The following ATP2A1 variants were observed in gnomAD, a reference collection of about 807,000 sequenced individuals.
ATP2A1 encodes the protein sarcoplasmic/endoplasmic reticulum calcium ATPase 1.
Under a neutral mutation model 109.5 loss-of-function variants are expected in ATP2A1, and 83 were observed. The ratio of observed to expected loss-of-function variants is 0.76; its 90% CI spans 0.63 to 0.91. ATP2A1 has a LOEUF of 0.91. Among genes scored for constraint, ATP2A1 ranks in the 40% least tolerant of loss-of-function variants. ATP2A1 has a pLI of 0.00. For synonymous variants in ATP2A1, 505 were observed against 537.6 expected, an observed-to-expected ratio of 0.94 and a Z score of 0.84; for missense variants, 1,101 against 1,341.0, an observed-to-expected ratio of 0.82 and a Z score of 2.80.
intron 9 of ATP2A1, chr16:28,892,582 G>A (rs1016457960): frequency 5.1e-5 from 8 of 158,414 alleles, no homozygotes; most frequent in African/African-American, 1.9e-4. Flanking sequence ...GAACTTTTTT[G>A]TCTTGGAACC....
Position 28,903,805 on chromosome 16 carries a change from C to A in ATP2A1, c.*37+64C>A. On this transcript the variant is annotated intron_variant, in intron 22 of 22. Transcript: ENST00000395503. This position sits in a 1 kb window ranked among gnomAD's most constrained non-coding sequence, Gnocchi z 5.6. ...CCCTGCCACCCGCGCCCCCTCAGCC[C>A]CTTGCGCGTCGCATCCAAGGTCACT... The A allele has an allele frequency of 7.0e-7, 1 of 1,435,846 alleles. No homozygotes were observed. The highest frequency in any genetic ancestry group is 1.7e-4 in the Middle Eastern group (1 of 5,728). The allele number at this position is 1,435,846 out of a possible 1,614,324, so 88.9% of individuals were successfully genotyped here.
At chr16:28,899,990 A>G (rs1466956340) in intron 14 of ATP2A1, among the ~76,000 whole-genome samples, 2 of 150,048 alleles carry the variant, frequency 1.3e-5, no homozygotes, top group African/African-American at 4.9e-5. Context: ...AACAAAAACA[A>G]AAAAAAGGAA....
Position 28,880,178 on chromosome 16 carries a change from GCAGGGCATCTC to G in ATP2A1, c.219+602_219+612del. The G allele has an allele frequency of 1.0e-6, 1 of 970,170 alleles. No homozygotes were observed. Among genetic ancestry groups the G allele is most frequent in the Non-Finnish European group, 1.2e-6 (1 of 814,874 alleles). 60.1% of individuals were successfully genotyped at this position (970,170 alleles called of 1,614,324 possible). A position where few individuals can be genotyped will look rare whatever the true frequency, so the allele number is the denominator to read the frequency against. On this transcript the variant is annotated intron_variant, in intron 3 of 22. Transcript: ENST00000395503. The surrounding 1 kb of genome is among the most constrained non-coding windows in gnomAD (Gnocchi z 4.2). ...GCGCTCCCTAGGCACCCCCACCCCC[GCAGGGCATCTC>G]CAGGGCTCTGCCTCCTCTCCCGCCC...
chr16:28,893,665 T>G (rs899938882), intron 9 of ATP2A1, among the ~76,000 whole-genome samples: 45 of 150,756 alleles, frequency 3.0e-4, no homozygotes, highest in Non-Finnish European at 4.6e-4. Context: ...GTTTTTTTTT[T>G]TTTTTTTGAG....
intron 14 of ATP2A1, among the ~76,000 whole-genome samples, chr16:28,899,513 C>T (rs544562785): frequency 6.6e-6 from 1 of 151,842 alleles, no homozygotes; most frequent in Non-Finnish European, 1.5e-5. Flanking sequence ...GTGGTGGGCA[C>T]CTGTAATCCC....
rs1596677553 is a variant in ATP2A1 at position 28,894,195 on chromosome 16, T to C, written c.1136T>C (p.Leu379Pro). Residue 379 changes from leucine to proline, a missense_variant, in exon 10 of 23, where the codon CTG (leucine) becomes CCG (proline). By Grantham distance (98) the Leu-to-Pro change is moderately conservative. Coordinates refer to ENST00000395503, the MANE Select transcript of ATP2A1 (RefSeq NM_004320.6). ...IDKVDGDICL[L>P]NEFSITGSTY... ...AAGGTGGATGGGGACATCTGCCTCC[T>C]GAATGAGTTCTCCATCACCGGCTCC... 3.7e-6 allele frequency: 6 copies of C among 1,614,012 alleles called. No individual in the cohort carries two copies. In the Admixed American group the frequency reaches 8.3e-5, roughly 22 times the overall value.
At chr16:28,889,008 A>G (rs769678666) in intron 9 of ATP2A1, 55 bp downstream of exon 9, 12 of 1,603,832 alleles carry the variant, frequency 7.5e-6, no homozygotes, top group Non-Finnish European at 1.0e-5. Context: ...TGGGGGTTAA[A>G]TGGGCCCTCC....
chr16:28,900,799 G>GC lies in ATP2A1; in HGVS notation c.1987dup (p.Leu663ProfsTer3). 1 of 1,614,240 alleles carries GC rather than the reference G, an allele frequency of 6.2e-7. No homozygotes were observed. Among genetic ancestry groups the GC allele is most frequent in the Non-Finnish European group, 8.5e-7 (1 of 1,180,046 alleles). ...ACACGGGCCGAGAGTTCGACGACCTGCCCCTGGCTGAACAGCGGGAAGCCT... is the reference window on the plus strand; with the variant it reads ...ACACGGGCCGAGAGTTCGACGACCTGCCCCCTGGCTGAACAGCGGGAAGCCT... On this transcript the variant is annotated frameshift_variant, in exon 15 of 23. Coordinates refer to ENST00000395503, the MANE Select transcript of ATP2A1 (RefSeq NM_004320.6). LOFTEE classifies it high-confidence loss of function.
At chr16:28,888,725 T>C (rs1963686725) in intron 8 of ATP2A1, 62 bp from the exon 9 acceptor site, 1 of 1,581,096 alleles carries the variant, frequency 6.3e-7, no homozygotes, top group Non-Finnish European at 8.6e-7. Flanking sequence ...ATTTAGCCCC[T>C]TGCAGGTTCC....
At chr16:28,894,732 G>T in intron 11 of ATP2A1, 90 bp from the exon 12 acceptor site, 1 of 1,602,182 alleles carries the variant, frequency 6.2e-7, no homozygotes. Flanking sequence ...GGAGGCAGTG[G>T]TTTGCTTCCT....
Position 28,903,666 on chromosome 16 carries a change from T to G in ATP2A1, c.2981-34T>G. ...TAGCCCCCATGCCACCTCCCTGCCT[T>G]GATAACAGTGCCTCTTGTCCTCTCT... On this transcript the variant is annotated intron_variant, in intron 21 of 22. Coordinates refer to ENST00000395503, the MANE Select transcript of ATP2A1 (RefSeq NM_004320.6). The surrounding 1 kb of genome is among the most constrained non-coding windows in gnomAD (Gnocchi z 5.6). 2 of 1,600,608 alleles carry G rather than the reference T, an allele frequency of 1.2e-6. No homozygotes were observed. Among genetic ancestry groups the G allele is most frequent in the Non-Finnish European group, 1.7e-6 (2 of 1,167,942 alleles).
In ATP2A1 at chr16:28,902,639, G is replaced by T; in HGVS notation, c.2584G>T (p.Gly862Trp). 1.2e-6 allele frequency: 2 copies of T among 1,614,052 alleles called. No individual in the cohort carries two copies. The highest frequency in any genetic ancestry group is 1.7e-6 in the Non-Finnish European group (2 of 1,179,968). ...AAWWFLYAED[G>W]PHVNYSQLTH... Reference sequence around the variant, plus strand: ...CTGGTGGTTCCTGTACGCTGAGGATGGGCCTCATGTCAACTACAGCCAGCT... The same window carrying T: ...CTGGTGGTTCCTGTACGCTGAGGATTGGCCTCATGTCAACTACAGCCAGCT... Residue 862 changes from glycine to tryptophan, a missense_variant, in exon 18 of 23, where the codon GGG becomes TGG. Coordinates refer to ENST00000395503, the MANE Select transcript of ATP2A1 (RefSeq NM_004320.6). The surrounding 1 kb of genome is among the most constrained non-coding windows in gnomAD (Gnocchi z 4.8).
chr16:28,902,534 C>T lies in ATP2A1; in HGVS notation c.2525-46C>T. 1 of 1,598,478 alleles carries T rather than the reference C, an allele frequency of 6.3e-7. No individual in the cohort carries two copies. Among genetic ancestry groups the T allele is most frequent in the Non-Finnish European group, 8.6e-7 (1 of 1,168,082 alleles). On this transcript the variant is annotated intron_variant, in intron 17 of 22. Transcript: ENST00000395503. This position sits in a 1 kb window ranked among gnomAD's most constrained non-coding sequence, Gnocchi z 4.8. ...ATGAGGCCCTCAACCCTCGATGCCC[C>T]CTATCTCCCCAGCCCTGACCCCCGA...
chr16:28,898,555 C>G lies in ATP2A1; in HGVS notation c.1764+104C>G. On this transcript the variant is annotated intron_variant, in intron 14 of 22. Transcript: ENST00000395503. This position sits in a 1 kb window ranked among gnomAD's most constrained non-coding sequence, Gnocchi z 4.0. ...CCGGATCATTTCCTACCTCGTCAGT[C>G]AAGTTGATGGCTCCTTAGTACAGGC... 3.1e-6 allele frequency: 4 copies of G among 1,305,040 alleles called. No homozygotes were observed. The highest frequency in any genetic ancestry group is 4.3e-6 in the Non-Finnish European group (4 of 932,790). 80.8% of individuals were successfully genotyped at this position (1,305,040 alleles called of 1,614,324 possible).
intron 14 of ATP2A1, 49 bp from the exon 15 acceptor site, chr16:28,900,531 AG>A (rs1234382456): frequency 6.0e-6 from 7 of 1,165,312 alleles, no homozygotes; most frequent in Non-Finnish European, 7.6e-6. Context: ...CCTCCAGGGG[AG>A]TTTTCCAGAT....
intron 12 of ATP2A1, among the ~76,000 whole-genome samples, chr16:28,895,966 T>C (rs1465960893): frequency 6.6e-6 from 1 of 152,190 alleles, no homozygotes; most frequent in Non-Finnish European, 1.5e-5. Context: ...TTATTTATTT[T>C]TGAGATGGGG....
intron 12 of ATP2A1, among the ~76,000 whole-genome samples, chr16:28,895,322 G>A (rs1469185794): frequency 2.0e-5 from 3 of 152,172 alleles, no homozygotes; most frequent in Non-Finnish European, 2.9e-5. Flanking sequence ...CTTAGGATTT[G>A]GGAAATGTGG....
At chr16:28,897,760 G>A (rs1234198401) in intron 12 of ATP2A1, among the ~76,000 whole-genome samples, 1 of 152,112 alleles carries the variant, frequency 6.6e-6, no homozygotes, top group Non-Finnish European at 1.5e-5. Context: ...ATGAGCCACC[G>A]CGCCTGGCCA....
chr16:28,880,458 G>A lies in ATP2A1; in HGVS notation c.220-457G>A, dbSNP rs1024008291. On this transcript the variant is annotated intron_variant, in intron 3 of 22. Transcript: ENST00000395503. The surrounding 1 kb of genome is among the most constrained non-coding windows in gnomAD (Gnocchi z 4.2). Reference sequence around the variant, plus strand: ...GGGCGGGGCGCGCGCAGGAGGCCCCGTAACCCTATCCCCGCTCCGGCTCCC... The same window carrying A: ...GGGCGGGGCGCGCGCAGGAGGCCCCATAACCCTATCCCCGCTCCGGCTCCC... 3.3e-5 allele frequency among the ~76,000 whole-genome samples: 5 copies of A among 152,234 alleles called. No individual in the cohort carries two copies. The highest frequency in any genetic ancestry group is 7.2e-5 in the African/African-American group (3 of 41,468).
Sources: gnomAD v4.1 joint callset for allele counts (sites outside exome capture counted in the v4.1 genomes callset) on GRCh38, gnomAD v4.1.1 for gene constraint, Gnocchi (gnomAD v3.1) non-coding constraint, MANE v1.5 for transcripts, NCBI Gene and HGNC (gene_info 2026-07-23, HGNC 2026-07-21) for gene names.